The following FAM117B variants were observed in gnomAD, a reference collection of about 807,000 sequenced individuals.
FAM117B encodes the protein protein FAM117B.
Under a neutral mutation model 52.8 loss-of-function variants are expected in FAM117B, and 22 were observed. The observed-to-expected ratio is 0.42, with a 90% CI of 0.30 to 0.59. The LOEUF (loss-of-function observed/expected upper bound fraction) is 0.59. FAM117B is among the 20% of genes least tolerant of loss of function. The pLI, the probability that FAM117B is intolerant of heterozygous loss-of-function variation, is 0.22. For missense variants in FAM117B, 678 were observed against 802.6 expected, an observed-to-expected ratio of 0.84 and a Z score of 1.88; for synonymous variants, 309 against 324.1, an observed-to-expected ratio of 0.95 and a Z score of 0.50.
rs1692036871 is a variant in FAM117B, at chr2:202,769,373, G to T, written c.*3609G>T. The T allele has an allele frequency of 1.3e-5, 2 of 152,508 alleles. No homozygotes were observed. Among genetic ancestry groups the T allele is most frequent in the African/African-American group, 4.8e-5 (2 of 41,420 alleles). The allele number at this position is 152,508 out of a possible 1,614,324, so 9.4% of individuals were successfully genotyped here. On this transcript the variant is annotated 3_prime_UTR_variant, in exon 8 of 8. Coordinates refer to ENST00000392238, the MANE Select transcript of FAM117B (RefSeq NM_173511.4). ...CTTAAGATTCATTCCTTAGTCTTTG[G>T]AATTTTGATGTCTCAAAACCAGATG... is the stretch of plus-strand genomic sequence containing the variant.
chr2:202,720,400 C>CGTGTGTGT (rs547237672), intron 2 of FAM117B, among the ~76,000 whole-genome samples: 1 of 136,774 alleles, frequency 7.3e-6, no homozygotes, highest in Admixed American at 7.4e-5. Context: ...CTTTACCTGT[C>CGTGTGTGT]GTGTGTGTGT....
Position 202,767,575 on chromosome 2 carries a change from T to G in FAM117B, c.*1811T>G, listed in dbSNP as rs1261796463. The G allele has an allele frequency of 2.6e-5, 4 of 152,194 alleles. No individual in the cohort carries two copies. In the East Asian group the frequency reaches 7.7e-4, roughly 29 times the overall value. The allele number at this position is 152,194 out of a possible 1,614,324, so 9.4% of individuals were successfully genotyped here. On this transcript the variant is annotated 3_prime_UTR_variant, in exon 8 of 8. Transcript: ENST00000392238. ...AATAATTTACTGTTCCTATACATATTATAAGGTAGAAAAAAGTTTTTAAAT... is the reference window on the plus strand; with the variant it reads ...AATAATTTACTGTTCCTATACATATGATAAGGTAGAAAAAAGTTTTTAAAT...
intron 2 of FAM117B, among the ~76,000 whole-genome samples, chr2:202,704,400 G>A (rs1248821046): frequency 6.6e-6 from 1 of 152,148 alleles, no homozygotes; most frequent in Non-Finnish European, 1.5e-5. Context: ...AGAAGATGCA[G>A]GATAAAGATT....
At chr2:202,759,557 ATT>A (rs554908259) in intron 7 of FAM117B, among the ~76,000 whole-genome samples, 35,692 of 140,774 alleles carry the variant, frequency 0.25, 5,127 homozygotes, top group Middle Eastern at 0.35. Flanking sequence ...AGCCTGGCTA[ATT>A]TTTTTTTTTT....
At chr2:202,670,246 G>C (rs931445117) in intron 1 of FAM117B, among the ~76,000 whole-genome samples, 1 of 152,000 alleles carries the variant, frequency 6.6e-6, no homozygotes, top group African/African-American at 2.4e-5. Flanking sequence ...GACACATCAA[G>C]CTTCTGTCCT....
rs905205004 is a variant in FAM117B at position 202,655,994 on chromosome 2, C to A, written c.601+20206C>A. Among the ~76,000 whole-genome samples the A allele has an allele frequency of 1.1e-4, 17 of 152,214 alleles. No individual in the cohort carries two copies. In the East Asian group the frequency reaches 3.3e-3, roughly 29 times the overall value. ...AGGAATGAGCTTTGGTAGATTGTGT[C>A]TTTCAAGGAATTGGTTTATTTGTGG... On this transcript the variant is annotated intron_variant, in intron 1 of 7. Transcript: ENST00000392238.
At chr2:202,715,182 G>T (rs530472735) in intron 2 of FAM117B, among the ~76,000 whole-genome samples, 11 of 150,724 alleles carry the variant, frequency 7.3e-5, no homozygotes, top group African/African-American at 2.7e-4. Flanking sequence ...CCTCCCTCCC[G>T]GACGGGTCGG....
intron 4 of FAM117B, among the ~76,000 whole-genome samples, chr2:202,745,619 T>G (rs1266922561): frequency 6.6e-6 from 1 of 152,214 alleles, no homozygotes; most frequent in Non-Finnish European, 1.5e-5. Flanking sequence ...ACAACAACCT[T>G]GAATGTAAAT....
intron 2 of FAM117B, among the ~76,000 whole-genome samples, chr2:202,702,073 C>G (rs1193731847): frequency 6.6e-6 from 1 of 152,150 alleles, no homozygotes; most frequent in Non-Finnish European, 1.5e-5. Context: ...TCCGTTGATG[C>G]AGCAAACTTC....
In FAM117B at chr2:202,757,249, C is replaced by G. The variant is rs748437524; in HGVS notation, c.1141C>G (p.Pro381Ala). ...DIPDGHRAPPPLVQRSSSTRS... is the reference protein window; with the variant it reads ...DIPDGHRAPPALVQRSSSTRS... ...TCCAGATGGCCATCGTGCTCCACCCCCCCTTGTACAGAGAAGTAGCAGCAC... is the reference window on the plus strand; with the variant it reads ...TCCAGATGGCCATCGTGCTCCACCCGCCCTTGTACAGAGAAGTAGCAGCAC... Residue 381 changes from proline to alanine, a missense_variant, in exon 6 of 8, where the codon CCC (proline) becomes GCC (alanine). Physicochemically the swap from Pro to Ala is conservative, Grantham distance 27. This residue lies in a region of FAM117B where 583 missense variants were observed against 644.8 expected (regional missense o/e 0.90). Transcript: ENST00000392238. The G allele has an allele frequency of 6.2e-7, 1 of 1,614,102 alleles. No homozygotes were observed. The highest frequency in any genetic ancestry group is 2.2e-5 in the East Asian group (1 of 44,886).
chr2:202,644,129 C>A (rs1048971364), intron 1 of FAM117B, among the ~76,000 whole-genome samples: 1 of 125,222 alleles, frequency 8.0e-6, no homozygotes, highest in Admixed American at 9.6e-5. Context: ...GGAAAATGTA[C>A]ACTTAATTCT....
At chr2:202,761,697 T>A (rs1691892082) in intron 7 of FAM117B, among the ~76,000 whole-genome samples, 1 of 151,960 alleles carries the variant, frequency 6.6e-6, no homozygotes, top group African/African-American at 2.4e-5. Context: ...TGGCTAAGTT[T>A]TGTATTTTTA....
At chr2:202,671,907 C>CA (rs1243796810) in intron 1 of FAM117B, among the ~76,000 whole-genome samples, 1 of 152,170 alleles carries the variant, frequency 6.6e-6, no homozygotes, top group Admixed American at 6.5e-5. Context: ...ATCAATGACT[C>CA]AGAGACCCAA....
intron 1 of FAM117B, among the ~76,000 whole-genome samples, chr2:202,688,993 A>G (rs933304330): frequency 2.6e-5 from 4 of 152,252 alleles, no homozygotes; most frequent in African/African-American, 9.6e-5. Flanking sequence ...GATGTGTTGT[A>G]GATTTTAATT....
intron 4 of FAM117B, among the ~76,000 whole-genome samples, chr2:202,742,547 C>T (rs887177237): frequency 6.6e-6 from 1 of 152,042 alleles, no homozygotes; most frequent in Non-Finnish European, 1.5e-5. Context: ...GATTAAGGAT[C>T]TAAATGTAAA....
At chr2:202,724,050 A>ATTT (rs1691196148) in intron 2 of FAM117B, among the ~76,000 whole-genome samples, 1 of 92,438 alleles carries the variant, frequency 1.1e-5, no homozygotes, top group African/African-American at 4.5e-5. Flanking sequence ...TTAAGGTTTA[A>ATTT]CTTTTTTTTT....
chr2:202,654,993 GAA>G (rs1354910351), intron 1 of FAM117B, among the ~76,000 whole-genome samples: 1 of 151,908 alleles, frequency 6.6e-6, no homozygotes, highest in Non-Finnish European at 1.5e-5. Flanking sequence ...AAAAGAAAAA[GAA>G]ATGTCCCCAG....
rs1689669512 is a variant in FAM117B, at chr2:202,635,601, A to T, written c.414A>T (p.Pro138=). 1 of 1,267,304 alleles carries T rather than the reference A, an allele frequency of 7.9e-7. No individual in the cohort carries two copies. The highest frequency in any genetic ancestry group is 3.1e-4 in the Middle Eastern group (1 of 3,278). 78.5% of individuals were successfully genotyped at this position (1,267,304 alleles called of 1,614,324 possible). A position where few individuals can be genotyped will look rare whatever the true frequency, so the allele number is the denominator to read the frequency against. The change falls in exon 1 of 8, where the codon CCA becomes CCT. Residue 138 remains proline, a synonymous_variant. Transcript: ENST00000392238. Reference sequence around the variant, plus strand: ...CGCCTGGAGCTCGCGGGAGCCCCCCACGGCCGCCGCCGCCGCCGCCGCTGC... The same window carrying T: ...CGCCTGGAGCTCGCGGGAGCCCCCCTCGGCCGCCGCCGCCGCCGCCGCTGC... The part of the protein sequence containing the change: ...SAAPGARGSP[P]RPPPPPPLLG...
At chr2:202,718,402 G>GT (rs1476290480) in intron 2 of FAM117B, among the ~76,000 whole-genome samples, 1 of 152,064 alleles carries the variant, frequency 6.6e-6, no homozygotes, top group African/African-American at 2.4e-5. Context: ...TTCCTGGTTT[G>GT]TTTTTATCAT....
Sources: gnomAD v4.1 joint callset for allele counts (sites outside exome capture counted in the v4.1 genomes callset) on GRCh38, gnomAD v4.1.1 for gene constraint, gnomAD v4.1.1 regional missense constraint, MANE v1.5 for transcripts, NCBI Gene and HGNC (gene_info 2026-07-23, HGNC 2026-07-21) for gene names.